Variants in PIP4K2A observed in about 807,000 individuals in gnomAD.
PIP4K2A encodes phosphatidylinositol 5-phosphate 4-kinase type-2 alpha.
In PIP4K2A, 14 loss-of-function variants were observed where a neutral mutation model predicts 42.9. The ratio of observed to expected loss-of-function variants is 0.33; its 90% CI spans 0.22 to 0.51. The LOEUF is 0.51. PIP4K2A is among the 20% of genes least tolerant of loss of function. The pLI is 0.97. For synonymous variants in PIP4K2A, 192 were observed against 192.2 expected (o/e 1.00, Z 0.01); for missense variants, 434 against 519.8 (o/e 0.83, Z 1.61).
chr10:22,540,377 T>A (rs1321975599), intron 8 of PIP4K2A, among the ~76,000 whole-genome samples: 1 of 151,784 alleles, frequency 6.6e-6, no homozygotes, highest in Non-Finnish European at 1.5e-5. Context: ...TTTTTTTTTT[T>A]AATTTGCATT....
chr10:22,700,593 C>T (rs1295901634), intron 1 of PIP4K2A, among the ~76,000 whole-genome samples: 2 of 152,270 alleles, frequency 1.3e-5, no homozygotes, highest in East Asian at 3.9e-4. Flanking sequence ...AAAAAGGGTG[C>T]CTGTCTCCCG....
At chr10:22,583,367 G>C (rs1837320838) in intron 4 of PIP4K2A, among the ~76,000 whole-genome samples, 1 of 152,192 alleles carries the variant, frequency 6.6e-6, no homozygotes, top group Non-Finnish European at 1.5e-5. Flanking sequence ...ACACACAATG[G>C]GGAGCTGGGG....
At chr10:22,666,771 C>T (rs1294747430) in intron 1 of PIP4K2A, among the ~76,000 whole-genome samples, 3 of 152,142 alleles carry the variant, frequency 2.0e-5, no homozygotes, top group African/African-American at 7.2e-5. Context: ...TTTGATAAGC[C>T]CTACTACCCC....
At chr10:22,539,913 GA>G (rs1403288627) in intron 9 of PIP4K2A, 57 bp downstream of exon 9, 2 of 353,636 alleles carry the variant, frequency 5.7e-6, no homozygotes, top group African/African-American at 6.8e-5. Flanking sequence ...GAGAGAGAGG[GA>G]GAGAGAGAGA....
chr10:22,665,383 C>T (rs143566818), intron 1 of PIP4K2A, among the ~76,000 whole-genome samples: 77 of 152,312 alleles, frequency 5.1e-4, no homozygotes, highest in African/African-American at 1.7e-3. Flanking sequence ...TATATTACTT[C>T]AGAGAGTGAA....
At chr10:22,547,880 T>G (rs538909715) in intron 7 of PIP4K2A, among the ~76,000 whole-genome samples, 1 of 152,180 alleles carries the variant, frequency 6.6e-6, no homozygotes, top group Non-Finnish European at 1.5e-5. Flanking sequence ...CAGCATGGCA[T>G]AGGAATAGAA....
In PIP4K2A at chr10:22,609,570, G is replaced by T. The variant is rs540700518; in HGVS notation, c.242+50C>A. 6 of 1,008,422 alleles carry T rather than the reference G, an allele frequency of 5.9e-6. No individual in the cohort carries two copies. The East Asian group carries it at 7.2e-5, about 12-fold the overall frequency. The allele number at this position is 1,008,422 out of a possible 1,614,324, so 62.5% of individuals were successfully genotyped here. On this transcript the variant is annotated intron_variant, in intron 2 of 9. Coordinates refer to ENST00000376573, the MANE Select transcript of PIP4K2A (RefSeq NM_005028.5). ...GTGATTACAAAAATTCACAAAACTT[G>T]TACTCCTAGCAGCCACGCTAGTCTT...
At chr10:22,696,704 A>G (rs1839979787) in intron 1 of PIP4K2A, among the ~76,000 whole-genome samples, 1 of 152,190 alleles carries the variant, frequency 6.6e-6, no homozygotes, top group Non-Finnish European at 1.5e-5. Flanking sequence ...CCTACTTCCT[A>G]AAGCCTATTC....
intron 1 of PIP4K2A, among the ~76,000 whole-genome samples, chr10:22,660,499 C>T (rs1488913185): frequency 6.6e-6 from 1 of 151,730 alleles, no homozygotes; most frequent in Non-Finnish European, 1.5e-5. Flanking sequence ...TAAACGCTTA[C>T]TGAATCCTGA....
intron 5 of PIP4K2A, among the ~76,000 whole-genome samples, chr10:22,572,759 GC>G (rs546811618): frequency 6.8e-4 from 104 of 152,196 alleles, no homozygotes; most frequent in African/African-American, 2.4e-3. Context: ...ATTTCCAGGG[GC>G]CCCCCTTTAT....
intron 1 of PIP4K2A, among the ~76,000 whole-genome samples, chr10:22,637,316 C>G (rs959955280): frequency 2.0e-5 from 3 of 152,066 alleles, no homozygotes; most frequent in Non-Finnish European, 4.4e-5. Flanking sequence ...GATACAGATT[C>G]CATAGTTTAA....
intron 1 of PIP4K2A, among the ~76,000 whole-genome samples, chr10:22,615,491 A>T (rs1057497575): frequency 9.8e-5 from 15 of 152,362 alleles, no homozygotes; most frequent in African/African-American, 3.1e-4. Context: ...TAATGTTCAT[A>T]AAGGAAACAG....
chr10:22,562,624 T>C (rs1836739963), intron 6 of PIP4K2A, among the ~76,000 whole-genome samples: 1 of 152,028 alleles, frequency 6.6e-6, no homozygotes, highest in African/African-American at 2.4e-5. Flanking sequence ...GTTTCTAGAG[T>C]CTACAAAACA....
chr10:22,594,053 T>C (rs2130825355), intron 3 of PIP4K2A, among the ~76,000 whole-genome samples: 1 of 152,320 alleles, frequency 6.6e-6, no homozygotes, highest in East Asian at 1.9e-4. Flanking sequence ...CCAGGGATCA[T>C]GTGAAAATGC....
At chr10:22,660,574 T>C (rs766451913) in intron 1 of PIP4K2A, among the ~76,000 whole-genome samples, 100 of 152,184 alleles carry the variant, frequency 6.6e-4, no homozygotes, top group Non-Finnish European at 1.4e-3. Flanking sequence ...CCATGTGCTT[T>C]ATGACTCACA....
intron 7 of PIP4K2A, among the ~76,000 whole-genome samples, chr10:22,546,838 G>A (rs545482978): frequency 1.1e-4 from 17 of 152,262 alleles, no homozygotes; most frequent in Admixed American, 4.6e-4. Context: ...GCTTCACTGC[G>A]GGGTCTGCTT....
intron 3 of PIP4K2A, among the ~76,000 whole-genome samples, chr10:22,601,378 A>T (rs976201735): frequency 1.3e-5 from 2 of 152,154 alleles, no homozygotes; most frequent in Admixed American, 1.3e-4. Flanking sequence ...CTCAGTTCAT[A>T]AACAGGACTT....
At chr10:22,580,175 T>C (rs1457205527) in intron 4 of PIP4K2A, among the ~76,000 whole-genome samples, 1 of 151,978 alleles carries the variant, frequency 6.6e-6, no homozygotes, top group African/African-American at 2.4e-5. Context: ...GGACTCTCCA[T>C]AATTAATAAT....
intron 4 of PIP4K2A, among the ~76,000 whole-genome samples, chr10:22,574,562 C>T (rs1062190): frequency 0.8 from 121,649 of 151,782 alleles, 49,275 homozygotes; most frequent in East Asian, 0.91. Flanking sequence ...ATTTAACCAC[C>T]TTAAGAATGA....
Sources: allele counts gnomAD v4.1 joint callset (sites outside exome capture counted in the v4.1 genomes callset), GRCh38; gene constraint gnomAD v4.1.1; transcripts MANE v1.5; gene names NCBI Gene and HGNC (gene_info 2026-07-23, HGNC 2026-07-21).